NKAIN4: variants seen among roughly 807,000 people sequenced by gnomAD.
NKAIN4 encodes sodium/potassium transporting ATPase interacting 4.
A neutral mutation model predicts 28.8 loss-of-function variants in NKAIN4; 28 were observed. The observed-to-expected ratio is 0.97, with a 90% CI of 0.72 to 1.33. The LOEUF (loss-of-function observed/expected upper bound fraction) is 1.33. NKAIN4 is among the 40% of genes most tolerant of loss of function. NKAIN4 has a pLI of 0.00. For missense variants in NKAIN4, 289 were observed against 277.2 expected (o/e 1.04, Z -0.30); for synonymous variants, 122 against 115.6 (o/e 1.06, Z -0.36).
chr20:63,247,490 G>A, intron 4 of NKAIN4, 88 bp downstream of exon 4: 2 of 1,545,732 alleles, frequency 1.3e-6, no homozygotes, highest in Non-Finnish European at 1.7e-6. Flanking sequence ...AGGTCAGCTG[G>A]CCCCGCCTCA....
rs896199905 is a variant in NKAIN4, at chr20:63,252,635, C to A, written c.54+1762G>T. Among the ~76,000 whole-genome samples the A allele has an allele frequency of 6.6e-6, 1 of 152,262 alleles. No individual in the cohort carries two copies. Among genetic ancestry groups the A allele is most frequent in the East Asian group, 1.9e-4 (1 of 5,164 alleles). ...AAAGGCCTTTGACAGCTCCCTGCTGCGGTTCAGCAGTGACCCAGAGGCTGG... is the reference window on the plus strand; with the variant it reads ...AAAGGCCTTTGACAGCTCCCTGCTGAGGTTCAGCAGTGACCCAGAGGCTGG... On this transcript the variant is annotated intron_variant, in intron 1 of 6. Coordinates refer to ENST00000370316, the MANE Select transcript of NKAIN4 (RefSeq NM_152864.4). This position sits in a 1 kb window ranked among gnomAD's most constrained non-coding sequence, Gnocchi z 4.6.
chr20:63,254,188 G>C (rs2067011700), intron 1 of NKAIN4: 1 of 434,390 alleles, frequency 2.3e-6, no homozygotes, highest in Non-Finnish European at 4.0e-6. Flanking sequence ...CACGCACACC[G>C]GGGACGGGAC....
intron 4 of NKAIN4, chr20:63,247,185 G>C: frequency 8.8e-7 from 1 of 1,142,194 alleles, no homozygotes; most frequent in Non-Finnish European, 1.1e-6. Flanking sequence ...CATGGGCTCG[G>C]GGCAGCCGAG....
chr20:63,252,827 G>A lies in NKAIN4; in HGVS notation c.54+1570C>T, dbSNP rs769311013. 1.3e-5 allele frequency among the ~76,000 whole-genome samples: 2 copies of A among 152,162 alleles called. No homozygotes were observed. Among genetic ancestry groups the A allele is most frequent in the African/African-American group, 2.4e-5 (1 of 41,428 alleles). ...TACTGTCCACCGCAGAGGTGAAACGGGAACATGACCCCACCCGCCCCTCTG... is the reference window on the plus strand; with the variant it reads ...TACTGTCCACCGCAGAGGTGAAACGAGAACATGACCCCACCCGCCCCTCTG... On this transcript the variant is annotated intron_variant, in intron 1 of 6. Coordinates refer to ENST00000370316, the MANE Select transcript of NKAIN4 (RefSeq NM_152864.4). The surrounding 1 kb of genome is among the most constrained non-coding windows in gnomAD (Gnocchi z 4.6).
intron 4 of NKAIN4, among the ~76,000 whole-genome samples, chr20:63,244,885 A>G (rs888546085): frequency 3.3e-5 from 5 of 152,038 alleles, no homozygotes; most frequent in African/African-American, 1.2e-4. Flanking sequence ...GACTGGAGGG[A>G]CCCCGGAACG....
chr20:63,241,615 T>C (rs898312623), intron 6 of NKAIN4, 109 bp from the exon 7 acceptor site: 4 of 987,764 alleles, frequency 4.0e-6, no homozygotes, highest in Non-Finnish European at 6.3e-6. Flanking sequence ...GTCCAAGCAG[T>C]GGACGGCTTC....
intron 1 of NKAIN4, chr20:63,254,007 G>A (rs1014646302): frequency 7.0e-5 from 14 of 199,546 alleles, no homozygotes; most frequent in South Asian, 1.3e-4. Flanking sequence ...TGCGGGAAAC[G>A]CTCGCACAGA....
chr20:63,250,534 A>G (rs1461101035), intron 1 of NKAIN4, among the ~76,000 whole-genome samples: 1 of 152,056 alleles, frequency 6.6e-6, no homozygotes, highest in Non-Finnish European at 1.5e-5. Flanking sequence ...GGTTCACAAG[A>G]GTACTGGACG....
At chr20:63,248,773 C>T in intron 3 of NKAIN4, 42 bp downstream of exon 3, 1 of 1,376,082 alleles carries the variant, frequency 7.3e-7, no homozygotes, top group Non-Finnish European at 1.0e-6. Context: ...CCGGCCCAGA[C>T]CCCAGGGAAG....
At chr20:63,247,044 C>A in intron 4 of NKAIN4, 1 of 1,005,726 alleles carries the variant, frequency 9.9e-7, no homozygotes, top group South Asian at 4.2e-5. Context: ...CCCGGGGCCA[C>A]AGAATCCCTG....
At chr20:63,254,271 C>G in intron 1 of NKAIN4, 126 bp downstream of exon 1, 1 of 732,090 alleles carries the variant, frequency 1.4e-6, no homozygotes, top group Non-Finnish European at 2.0e-6. Context: ...CCGAGGCATC[C>G]CCCCTCGGAG....
At chr20:63,253,846 G>GGGGCGGCGC (rs2067005011) in intron 1 of NKAIN4, 1 of 152,870 alleles carries the variant, frequency 6.5e-6, no homozygotes, top group South Asian at 2.0e-4. Flanking sequence ...GGGGGCGGCG[G>GGGGCGGCGC]GGGCGGGCGG....
In NKAIN4 at chr20:63,241,262, T is replaced by TAC; in HGVS notation, c.*234_*235insGT. The TAC allele has an allele frequency of 3.7e-6, 2 of 544,328 alleles. No individual in the cohort carries two copies. The allele number at this position is 544,328 out of a possible 1,614,324, so 33.7% of individuals were successfully genotyped here. A position where few individuals can be genotyped will look rare whatever the true frequency, so the allele number is the denominator to read the frequency against. ...TGCCTTTTCTTTTGTATGTTTTCTT[T>TAC]TCTTTTTTTTTTTTAAGAGAAAGGA... is the stretch of plus-strand genomic sequence containing the variant. On this transcript the variant is annotated 3_prime_UTR_variant, in exon 7 of 7. Coordinates refer to ENST00000370316, the MANE Select transcript of NKAIN4 (RefSeq NM_152864.4).
At chr20:63,242,813 G>A (rs1601271357) in intron 5 of NKAIN4, among the ~76,000 whole-genome samples, 190 bp from the exon 6 acceptor site, 1 of 148,938 alleles carries the variant, frequency 6.7e-6, no homozygotes, top group African/African-American at 2.5e-5. Flanking sequence ...CCGGGTCCTC[G>A]GCCTGTGCGG....
intron 6 of NKAIN4, 136 bp from the exon 7 acceptor site, chr20:63,241,642 G>A (rs1416149741): frequency 1.3e-6 from 1 of 773,940 alleles, no homozygotes; most frequent in Non-Finnish European, 2.3e-6. Flanking sequence ...TTGGCAGAAA[G>A]GAGATGGGTG....
chr20:63,248,027 G>A (rs2066892838), intron 3 of NKAIN4: 1 of 405,934 alleles, frequency 2.5e-6, no homozygotes, highest in Admixed American at 4.5e-5. Flanking sequence ...TCCCTGCCCA[G>A]ACCCCAGAAC....
At chr20:63,248,916 G>C in intron 2 of NKAIN4, 21 bp from the exon 3 acceptor site, 1 of 1,579,360 alleles carries the variant, frequency 6.3e-7, no homozygotes, top group Non-Finnish European at 8.7e-7. Flanking sequence ...GAGAGGATGG[G>C]GCGGCAGCTG....
rs2236194 is a variant in NKAIN4 at position 63,247,657 on chromosome 20, G to T, written c.392C>A (p.Ala131Asp). Residue 131 changes from alanine (A) to aspartate (D), a missense_variant, in exon 4 of 7, where the codon GCC becomes GAC. Coordinates refer to ENST00000370316, the MANE Select transcript of NKAIN4 (RefSeq NM_152864.4). ...AVGLGAPHGQALVSGAGCALE... is the reference protein window; with the variant it reads ...AVGLGAPHGQDLVSGAGCALE... ...GGCACAGCCAGCACCTGACACCAGG[G>T]CCTGGCCATGGGGGGCCCCGAGGCC... 261,031 of 1,546,450 alleles carry T rather than the reference G, an allele frequency of 0.17. 23,162 individuals carry two copies. The highest frequency in any genetic ancestry group is 0.31 in the East Asian group (12,661 of 40,816).
chr20:63,254,294 C>T (rs2123146137), intron 1 of NKAIN4, 103 bp downstream of exon 1: 1 of 948,720 alleles, frequency 1.1e-6, no homozygotes, highest in East Asian at 3.4e-5. Context: ...GGCGCGGGAC[C>T]CAGCGAACGG....
Sources: gnomAD v4.1 joint callset for allele counts (sites outside exome capture counted in the v4.1 genomes callset) on GRCh38, gnomAD v4.1.1 for gene constraint, Gnocchi (gnomAD v3.1) non-coding constraint, MANE v1.5 for transcripts, NCBI Gene and HGNC (gene_info 2026-07-23, HGNC 2026-07-21) for gene names.